Variants in FBXO47 observed in about 807,000 individuals in gnomAD.
FBXO47 encodes F-box protein 47.
FBXO47 carries 34 observed loss-of-function variants against 53.9 expected under a neutral mutation model. That is an observed-to-expected ratio of 0.63 (90% CI 0.48 to 0.84). The LOEUF is 0.84. Among genes scored for constraint, FBXO47 ranks in the 40% least tolerant of loss-of-function variants. The pLI, the probability that FBXO47 is intolerant of heterozygous loss-of-function variation, is 0.00. For synonymous variants in FBXO47, 165 were observed against 181.6 expected (o/e 0.91, Z 0.73); for missense variants, 485 against 541.3 (o/e 0.90, Z 1.03).
At position 38,945,124 on chromosome 17, in the gene FBXO47, T is replaced by G. The variant is rs754722113; in HGVS notation, c.629A>C (p.Lys210Thr). 9.3e-6 allele frequency: 15 copies of G among 1,610,978 alleles called. No individual in the cohort carries two copies. The highest frequency in any genetic ancestry group is 1.2e-5 in the Non-Finnish European group (14 of 1,177,524). The change falls in exon 7 of 11, where the codon AAA (lysine) becomes ACA (threonine). Residue 210 changes from lysine to threonine, a missense_variant. Transcript: ENST00000378079. ...GAAGAGTCTGATTCTTAACTCCAGT[T>G]TTTGGGCACTTCCTATGAAGACAAA... ...AVCSKPGSAQKLELRIRLFCR... is the reference protein window; with the variant it reads ...AVCSKPGSAQTLELRIRLFCR...
intron 1 of FBXO47, among the ~76,000 whole-genome samples, chr17:38,963,331 C>A (rs1208000093): frequency 2.0e-5 from 3 of 152,000 alleles, no homozygotes; most frequent in Non-Finnish European, 4.4e-5. Flanking sequence ...TCATGTGCCA[C>A]CATGCCCAGC....
intron 3 of FBXO47, among the ~76,000 whole-genome samples, chr17:38,959,043 C>G (rs578140118): frequency 6.6e-6 from 1 of 151,994 alleles, no homozygotes; most frequent in Non-Finnish European, 1.5e-5. Context: ...TCTGGGACTA[C>G]AGGCATGTGT....
chr17:38,960,931 C>T (rs1405294922), intron 3 of FBXO47, among the ~76,000 whole-genome samples: 23 of 151,794 alleles, frequency 1.5e-4, no homozygotes, highest in Admixed American at 1.1e-3. Context: ...CGCAGCCAGC[C>T]GAAAAATTAT....
At chr17:38,939,099 G>A (rs1308738325) in intron 9 of FBXO47, among the ~76,000 whole-genome samples, 1 of 151,384 alleles carries the variant, frequency 6.6e-6, no homozygotes, top group Non-Finnish European at 1.5e-5. Context: ...TTCGAGACCA[G>A]CCTGGCCAAA....
At chr17:38,950,063 G>A (rs75076659) in intron 6 of FBXO47, among the ~76,000 whole-genome samples, 1 of 151,912 alleles carries the variant, frequency 6.6e-6, no homozygotes, top group Non-Finnish European at 1.5e-5. Context: ...TTTTAAGTAC[G>A]CAATTCAGTG....
chr17:38,963,079 C>A, intron 1 of FBXO47, 28 bp from the exon 2 acceptor site: 27 of 1,334,470 alleles, frequency 2.0e-5, no homozygotes, highest in South Asian at 5.7e-5. Context: ...GTACAAGAGA[C>A]AAGAAAGAAA....
intron 5 of FBXO47, among the ~76,000 whole-genome samples, chr17:38,952,520 C>T (rs1370990430): frequency 1.4e-5 from 2 of 145,198 alleles, no homozygotes; most frequent in Non-Finnish European, 3.0e-5. Context: ...TTTCAGAGAA[C>T]TTTTTTTTTT....
intron 6 of FBXO47, among the ~76,000 whole-genome samples, chr17:38,949,938 A>C (rs1363306226): frequency 6.6e-6 from 1 of 152,164 alleles, no homozygotes. Context: ...AATATAATTT[A>C]TATGCCATAC....
chr17:38,946,087 CAT>C (rs1904768273), intron 6 of FBXO47, among the ~76,000 whole-genome samples: 1 of 109,886 alleles, frequency 9.1e-6, no homozygotes, highest in East Asian at 2.9e-4. Flanking sequence ...TATATAAATA[CAT>C]AAATATATAT....
intron 9 of FBXO47, 127 bp downstream of exon 9, chr17:38,942,651 A>T (rs1187060526): frequency 1.7e-6 from 1 of 600,644 alleles, no homozygotes; most frequent in Non-Finnish European, 2.8e-6. Context: ...AGAAACATTA[A>T]AAATATATAC....
chr17:38,946,581 T>A (rs1389950012), intron 6 of FBXO47, among the ~76,000 whole-genome samples: 8 of 82,702 alleles, frequency 9.7e-5, no homozygotes, highest in Non-Finnish European at 1.6e-4. Context: ...TATATATGAA[T>A]ATATAACTAT....
At chr17:38,951,214 G>A (rs1004219513) in intron 6 of FBXO47, among the ~76,000 whole-genome samples, 4 of 148,766 alleles carry the variant, frequency 2.7e-5, no homozygotes, top group African/African-American at 9.9e-5. Context: ...TTTATTTATC[G>A]AGACAGGGTC....
At chr17:38,959,634 G>A (rs924144251) in intron 3 of FBXO47, among the ~76,000 whole-genome samples, 1 of 148,412 alleles carries the variant, frequency 6.7e-6, no homozygotes, top group Non-Finnish European at 1.5e-5. Context: ...TTGTGTGTGT[G>A]TGTGTGTGTG....
chr17:38,942,824 T>C lies in FBXO47; in HGVS notation c.1037A>G (p.Asn346Ser), dbSNP rs1350533258. Residue 346 changes from asparagine (N) to serine (S), a missense_variant, in exon 9 of 11, where the codon AAT becomes AGT. Asn to Ser is a conservative substitution (Grantham distance 46). Transcript: ENST00000378079. ...CFSFMASKAV[N>S]GRTIELARLV... ...CCTTGCCAGTTCAATGGTGCGTCCA[T>C]TCACAGCTTTACTAGCCATGAAACT... The C allele has an allele frequency of 6.2e-7, 1 of 1,613,932 alleles. No individual in the cohort carries two copies. Among genetic ancestry groups the C allele is most frequent in the Middle Eastern group, 1.6e-4 (1 of 6,062 alleles).
chr17:38,944,848 A>ATGCATGTGTGTG, intron 7 of FBXO47, 112 bp downstream of exon 7: 1 of 615,522 alleles, frequency 1.6e-6, no homozygotes, highest in East Asian at 3.4e-5. Context: ...GCGTGCATGC[A>ATGCATGTGTGTG]TGTGTGTGTG....
chr17:38,954,842 T>TA lies in FBXO47; in HGVS notation c.507+13dup, dbSNP rs761956756. ...AAAGGTATCCCTTTTCTTCTCTGAT[T>TA]AAAAAAAATGTACCTGTAAAAACAT... On this transcript the variant is annotated intron_variant, in intron 5 of 10. Coordinates refer to ENST00000378079, the MANE Select transcript of FBXO47 (RefSeq NM_001008777.3). 2.9e-5 allele frequency: 45 copies of TA among 1,549,972 alleles called. No homozygotes were observed. Among genetic ancestry groups the TA allele is most frequent in the South Asian group, 3.5e-5 (3 of 86,786 alleles).
At chr17:38,961,729 G>C in intron 3 of FBXO47, 148 bp downstream of exon 3, 1 of 664,848 alleles carries the variant, frequency 1.5e-6, no homozygotes, top group Non-Finnish European at 2.5e-6. Context: ...TTAAGGGAGT[G>C]TTCTCACACT....
At chr17:38,944,511 G>A (rs538203037) in intron 7 of FBXO47, among the ~76,000 whole-genome samples, 1 of 151,644 alleles carries the variant, frequency 6.6e-6, no homozygotes, top group Admixed American at 6.6e-5. Flanking sequence ...GACCATTCTG[G>A]CTAACACGGT....
intron 3 of FBXO47, among the ~76,000 whole-genome samples, chr17:38,960,658 G>A (rs1363408113): frequency 7.0e-6 from 1 of 142,918 alleles, no homozygotes; most frequent in East Asian, 2.0e-4. Context: ...TTGAGATGGA[G>A]TTTCGCTTTG....
Sources: gnomAD v4.1 joint callset for allele counts (sites outside exome capture counted in the v4.1 genomes callset) on GRCh38, gnomAD v4.1.1 for gene constraint, MANE v1.5 for transcripts, NCBI Gene and HGNC (gene_info 2026-07-23, HGNC 2026-07-21) for gene names.